PDPK1: variants seen among roughly 807,000 people sequenced by gnomAD.
The protein encoded by PDPK1 is 3-phosphoinositide dependent protein kinase 1.
A neutral mutation model predicts 39.8 loss-of-function variants in PDPK1; 7 were observed. That is an observed-to-expected ratio of 0.18 (90% confidence interval 0.10 to 0.33). The LOEUF (loss-of-function observed/expected upper bound fraction) is 0.33. PDPK1 is among the 10% of genes least tolerant of loss of function. The pLI, the probability that PDPK1 is intolerant of heterozygous loss-of-function variation, is 1.00. For synonymous variants in PDPK1, 118 were observed against 159.1 expected (o/e 0.74, Z 1.95); for missense variants, 182 against 384.7 (o/e 0.47, Z 4.41).
At chr16:2,595,999 T>A in intron 12 of PDPK1, 149 bp downstream of exon 12, 2 of 738,072 alleles carry the variant, frequency 2.7e-6, no homozygotes, top group Non-Finnish European at 4.8e-6. Context: ...CGGGAAGGCT[T>A]AAGTCCCTTG....
At chr16:2,587,327 CGGG>C (rs1472643057) in intron 11 of PDPK1, among the ~76,000 whole-genome samples, 1 of 152,128 alleles carries the variant, frequency 6.6e-6, no homozygotes, top group Non-Finnish European at 1.5e-5. Context: ...GGATCTGTCG[CGGG>C]GGCGCCAGGA....
chr16:2,602,716 G>T lies in PDPK1; in HGVS notation c.*4949G>T, dbSNP rs549294670. On this transcript the variant is annotated 3_prime_UTR_variant, in exon 14 of 14. Coordinates refer to ENST00000342085, the MANE Select transcript of PDPK1 (RefSeq NM_002613.5). ...AGTACGTCTTTCAGGTGGGTGGCAA[G>T]CAGAACATGCGTAATATTCTCTACC... 72 of 234,732 alleles carry T rather than the reference G, an allele frequency of 3.1e-4. 1 individual carries two copies. Among genetic ancestry groups the T allele is most frequent in the African/African-American group, 1.1e-3 (50 of 45,456 alleles). 14.5% of individuals were successfully genotyped at this position (234,732 alleles called of 1,614,324 possible). A position where few individuals can be genotyped will look rare whatever the true frequency, so the allele number is the denominator to read the frequency against.
intron 1 of PDPK1, among the ~76,000 whole-genome samples, chr16:2,543,536 G>C (rs1024996761): frequency 2.2e-5 from 3 of 138,332 alleles, no homozygotes; most frequent in African/African-American, 8.4e-5. Flanking sequence ...GCCCAGGCTC[G>C]GATGCCCGGC....
At chr16:2,585,310 T>C (rs2066844819) in intron 10 of PDPK1, among the ~76,000 whole-genome samples, 1 of 152,198 alleles carries the variant, frequency 6.6e-6, no homozygotes, top group Non-Finnish European at 1.5e-5. Flanking sequence ...CTGTGTGGTT[T>C]GAAAGCCTTG....
Position 2,601,039 on chromosome 16 carries a change from A to G in PDPK1, c.*3272A>G, listed in dbSNP as rs535820869. On this transcript the variant is annotated 3_prime_UTR_variant, in exon 14 of 14. Coordinates refer to ENST00000342085, the MANE Select transcript of PDPK1 (RefSeq NM_002613.5). Reference sequence around the variant, plus strand: ...ACCATTTCCCTACTGTAAAATACTTAAGACGGTTTCTGATTTTTCCACTAT... The same window carrying G: ...ACCATTTCCCTACTGTAAAATACTTGAGACGGTTTCTGATTTTTCCACTAT... 1 of 224,434 alleles carries G rather than the reference A, an allele frequency of 4.5e-6. No homozygotes were observed. The allele number at this position is 224,434 out of a possible 1,614,324, so 13.9% of individuals were successfully genotyped here.
In PDPK1 at chr16:2,598,064, A is replaced by G. The variant is rs988213866; in HGVS notation, c.*297A>G. 2 of 468,058 alleles carry G rather than the reference A, an allele frequency of 4.3e-6. No homozygotes were observed. Among genetic ancestry groups the G allele is most frequent in the Non-Finnish European group, 7.7e-6 (2 of 258,238 alleles). 29.0% of individuals were successfully genotyped at this position (468,058 alleles called of 1,614,324 possible). A position where few individuals can be genotyped will look rare whatever the true frequency, so the allele number is the denominator to read the frequency against. On this transcript the variant is annotated 3_prime_UTR_variant, in exon 14 of 14. Transcript: ENST00000342085. ...GACCCAGCTCCATGCACGTCAACCC[A>G]GTCCCGCCCAGACTAGTGGACAGAC...
intron 10 of PDPK1, among the ~76,000 whole-genome samples, chr16:2,585,385 A>C (rs2066846476): frequency 6.6e-6 from 1 of 152,214 alleles, no homozygotes; most frequent in African/African-American, 2.4e-5. Context: ...GAGTCTTGGC[A>C]AACGGTGTCA....
At position 2,598,986 on chromosome 16, in the gene PDPK1, A is replaced by G; in HGVS notation, c.*1219A>G. On this transcript the variant is annotated 3_prime_UTR_variant, in exon 14 of 14. Transcript: ENST00000342085. ...GCCAGTTGCTGTTGCACAGGAGGCG[A>G]GAACAGCACACTTCAACCCCAGCTT... 1 of 233,324 alleles carries G rather than the reference A, an allele frequency of 4.3e-6. No homozygotes were observed. Among genetic ancestry groups the G allele is most frequent in the Non-Finnish European group, 8.5e-6 (1 of 118,076 alleles). 14.5% of individuals were successfully genotyped at this position (233,324 alleles called of 1,614,324 possible). A position where few individuals can be genotyped will look rare whatever the true frequency, so the allele number is the denominator to read the frequency against.
intron 10 of PDPK1, among the ~76,000 whole-genome samples, chr16:2,585,650 T>TCGGCGTGGAGGGGC (rs748863626): frequency 4.6e-5 from 7 of 151,954 alleles, no homozygotes; most frequent in South Asian, 2.1e-4. Flanking sequence ...CGTGGAGGGG[T>TCGGCGTGGAGGGGC]CGGCGTGGAG....
chr16:2,547,185 C>G (rs1306802167), intron 1 of PDPK1, among the ~76,000 whole-genome samples: 1 of 149,976 alleles, frequency 6.7e-6, no homozygotes, highest in Non-Finnish European at 1.5e-5. Flanking sequence ...TCCCAACTTA[C>G]GAGCTAGGAA....
intron 1 of PDPK1, among the ~76,000 whole-genome samples, chr16:2,545,989 G>T (rs80139465): frequency 0.014 from 2,199 of 152,224 alleles, 59 homozygotes; most frequent in African/African-American, 0.049. Flanking sequence ...ATAAATACAG[G>T]ATTCACAATC....
chr16:2,551,510 TCTAC>T (rs1236340154), intron 1 of PDPK1, among the ~76,000 whole-genome samples: 1 of 150,820 alleles, frequency 6.6e-6, no homozygotes, highest in Non-Finnish European at 1.5e-5. Context: ...GGGCGCTGGC[TCTAC>T]CTGTCGCACT....
At chr16:2,546,690 T>G (rs2066354473) in intron 1 of PDPK1, among the ~76,000 whole-genome samples, 1 of 152,182 alleles carries the variant, frequency 6.6e-6, no homozygotes. Flanking sequence ...GGCCCTACTC[T>G]CCTGGTCTCT....
At chr16:2,542,288 T>G (rs2066259136) in intron 1 of PDPK1, among the ~76,000 whole-genome samples, 1 of 152,210 alleles carries the variant, frequency 6.6e-6, no homozygotes, top group African/African-American at 2.4e-5. Flanking sequence ...GGCTCCCAAG[T>G]AGCTGGGATT....
chr16:2,593,247 G>A lies in PDPK1; in HGVS notation c.1344-2546G>A, dbSNP rs1241134819. The A allele has an allele frequency of 4.9e-5, 18 of 364,164 alleles. No individual in the cohort carries two copies. In the East Asian group the frequency reaches 1.3e-3, roughly 27 times the overall value. The allele number at this position is 364,164 out of a possible 1,614,324, so 22.6% of individuals were successfully genotyped here. ...TCTTGTGTCACTGAATTCCTCTTCT[G>A]GGAATTTTTAGTTTGTGTCATTTTG... On this transcript the variant is annotated intron_variant, in intron 11 of 13. Coordinates refer to ENST00000342085, the MANE Select transcript of PDPK1 (RefSeq NM_002613.5). The surrounding 1 kb of genome is among the most constrained non-coding windows in gnomAD (Gnocchi z 4.2).
chr16:2,538,600 C>T (rs1209665808), intron 1 of PDPK1: 5 of 1,288,554 alleles, frequency 3.9e-6, no homozygotes, highest in East Asian at 5.6e-5. Flanking sequence ...ACCTGATGCT[C>T]CTGGGCCCCC....
At chr16:2,541,454 G>A in intron 1 of PDPK1, among the ~76,000 whole-genome samples, 1 of 152,218 alleles carries the variant, frequency 6.6e-6, no homozygotes, top group Non-Finnish European at 1.5e-5. Flanking sequence ...TTGGAAGAGA[G>A]TGGGCACTGG....
At chr16:2,546,427 C>T (rs1343937614) in intron 1 of PDPK1, among the ~76,000 whole-genome samples, 2 of 148,694 alleles carry the variant, frequency 1.3e-5, no homozygotes, top group Admixed American at 6.7e-5. Flanking sequence ...TCCACCTCCC[C>T]GGTTCAAGCG....
chr16:2,591,701 A>C (rs994079403), intron 11 of PDPK1, among the ~76,000 whole-genome samples: 42 of 152,118 alleles, frequency 2.8e-4, no homozygotes, highest in African/African-American at 9.4e-4. Flanking sequence ...GGGACCCAGC[A>C]CTCTCCTTAT....
Sources: allele counts gnomAD v4.1 joint callset (sites outside exome capture counted in the v4.1 genomes callset), GRCh38; gene constraint gnomAD v4.1.1; non-coding constraint Gnocchi (gnomAD v3.1); transcripts MANE v1.5; gene names NCBI Gene and HGNC (gene_info 2026-07-23, HGNC 2026-07-21).